CTNNA2: variants seen among roughly 807,000 people sequenced by gnomAD.
CTNNA2 encodes the protein catenin alpha 2, also known as catenin alpha-2.
Under a neutral mutation model 101.0 loss-of-function variants are expected in CTNNA2, and 42 were observed. The observed-to-expected ratio is 0.42, with a 90% CI of 0.32 to 0.54. The LOEUF (loss-of-function observed/expected upper bound fraction) is 0.54, where lower values mean the gene tolerates loss of function less well. CTNNA2 is among the 20% of genes least tolerant of loss of function. CTNNA2 has a pLI of 0.14. For synonymous variants in CTNNA2, 450 were observed against 456.4 expected (o/e 0.99, Z 0.18); for missense variants, 871 against 1,223.1 (o/e 0.71, Z 4.29).
chr2:80,111,471 TA>T (rs1440699996), intron 7 of CTNNA2, among the ~76,000 whole-genome samples: 1 of 152,216 alleles, frequency 6.6e-6, no homozygotes, highest in Non-Finnish European at 1.5e-5. Flanking sequence ...TCTCCACATT[TA>T]CTTATATATA....
At chr2:79,227,717 A>G (rs1056223170) in intron 2 of CTNNA2, among the ~76,000 whole-genome samples, 1 of 152,218 alleles carries the variant, frequency 6.6e-6, no homozygotes, top group Non-Finnish European at 1.5e-5. Flanking sequence ...TAAAAATGCT[A>G]ATGATCATCT....
chr2:80,096,381 A>C (rs1411621948), intron 7 of CTNNA2, among the ~76,000 whole-genome samples: 2 of 152,012 alleles, frequency 1.3e-5, no homozygotes, highest in East Asian at 3.9e-4. Flanking sequence ...GTTTTTTATA[A>C]TTTCTGTTCT....
At chr2:80,423,780 A>C (rs1680738742) in intron 9 of CTNNA2, among the ~76,000 whole-genome samples, 1 of 152,154 alleles carries the variant, frequency 6.6e-6, no homozygotes, top group Non-Finnish European at 1.5e-5. Flanking sequence ...AAGTGGGTTT[A>C]GTTTTTATCA....
intron 1 of CTNNA2, among the ~76,000 whole-genome samples, chr2:79,561,752 A>G (rs1206929283): frequency 6.6e-6 from 1 of 151,868 alleles, no homozygotes; most frequent in Admixed American, 6.6e-5. Context: ...GCCCTCATAT[A>G]GCTTCTTTGG....
chr2:80,316,166 G>A (rs1288361471), intron 7 of CTNNA2, among the ~76,000 whole-genome samples: 4 of 152,092 alleles, frequency 2.6e-5, no homozygotes, highest in Admixed American at 2.6e-4. Context: ...GGTTTATACA[G>A]TAAAACAGGT....
At chr2:79,425,777 C>T (rs1486995886) in intron 4 of CTNNA2, among the ~76,000 whole-genome samples, 8 of 152,110 alleles carry the variant, frequency 5.3e-5, no homozygotes, top group Non-Finnish European at 1.2e-4. Context: ...GAAATCTTAC[C>T]TCATCTACAG....
At chr2:79,541,357 T>A (rs1310837861) in intron 1 of CTNNA2, among the ~76,000 whole-genome samples, 2 of 149,804 alleles carry the variant, frequency 1.3e-5, no homozygotes, top group Non-Finnish European at 3.0e-5. Context: ...ACACACACAA[T>A]GTTTACACAT....
chr2:80,092,382 G>T (rs552984503), intron 7 of CTNNA2, among the ~76,000 whole-genome samples: 1 of 152,022 alleles, frequency 6.6e-6, no homozygotes, highest in Admixed American at 6.6e-5. Flanking sequence ...AAAAAAACAG[G>T]CATACACCCG....
At chr2:80,562,994 G>C (rs1322279995) in intron 12 of CTNNA2, among the ~76,000 whole-genome samples, 6 of 149,168 alleles carry the variant, frequency 4.0e-5, no homozygotes, top group Non-Finnish European at 7.4e-5. Context: ...TAAATTTGGG[G>C]TGACACAGCA....
At chr2:79,729,042 G>A (rs72927426) in intron 2 of CTNNA2, among the ~76,000 whole-genome samples, 6,965 of 152,220 alleles carry the variant, frequency 0.046, 270 homozygotes, top group African/African-American at 0.11. Context: ...TCATGAACCA[G>A]GAGTCAAGAA....
intron 2 of CTNNA2, among the ~76,000 whole-genome samples, chr2:79,657,372 A>G (rs938107279): frequency 2.6e-5 from 4 of 151,860 alleles, no homozygotes; most frequent in African/African-American, 9.6e-5. Context: ...AAAAAAATAA[A>G]TTACTAAAAT....
intron 9 of CTNNA2, among the ~76,000 whole-genome samples, chr2:80,458,958 A>G (rs1483304255): frequency 6.6e-6 from 1 of 152,152 alleles, no homozygotes; most frequent in African/African-American, 2.4e-5. Flanking sequence ...TGTACAATTA[A>G]AAAAATATTT....
At chr2:79,366,176 T>C (rs1417712357) in intron 3 of CTNNA2, among the ~76,000 whole-genome samples, 3 of 152,132 alleles carry the variant, frequency 2.0e-5, no homozygotes, top group Non-Finnish European at 4.4e-5. Flanking sequence ...CCTTTGATAA[T>C]GAAACAAACA....
chr2:79,668,493 T>C (rs1006916015), intron 2 of CTNNA2, among the ~76,000 whole-genome samples: 4 of 152,188 alleles, frequency 2.6e-5, no homozygotes, highest in Non-Finnish European at 5.9e-5. Flanking sequence ...ATTAAGTTTC[T>C]CATTAATGTT....
At chr2:79,221,086 G>C (rs762391023) in intron 2 of CTNNA2, among the ~76,000 whole-genome samples, 9 of 152,034 alleles carry the variant, frequency 5.9e-5, no homozygotes, top group Non-Finnish European at 1.0e-4. Context: ...CGAAATAAAG[G>C]AACAAATTCA....
intron 1 of CTNNA2, among the ~76,000 whole-genome samples, chr2:79,623,656 T>C (rs996091031): frequency 6.6e-6 from 1 of 152,192 alleles, no homozygotes; most frequent in African/African-American, 2.4e-5. Flanking sequence ...AATATAGACC[T>C]GTAATCTCAA....
At chr2:79,430,189 T>C (rs1415426204) in intron 4 of CTNNA2, among the ~76,000 whole-genome samples, 1 of 152,096 alleles carries the variant, frequency 6.6e-6, no homozygotes, top group Admixed American at 6.6e-5. Flanking sequence ...CTCTGAGTGA[T>C]GATCATTTGA....
chr2:79,522,554 C>CAGAA (rs1672175737), intron 1 of CTNNA2, among the ~76,000 whole-genome samples: 1 of 152,148 alleles, frequency 6.6e-6, no homozygotes, highest in Non-Finnish European at 1.5e-5. Flanking sequence ...AACTTTGCTT[C>CAGAA]AGCAATGGAT....
intron 7 of CTNNA2, among the ~76,000 whole-genome samples, chr2:79,954,392 T>G (rs1374100134): frequency 6.6e-6 from 1 of 152,220 alleles, no homozygotes; most frequent in African/African-American, 2.4e-5. Flanking sequence ...ATTCAGCTCT[T>G]CTACTCTGGA....
Sources: allele counts gnomAD v4.1 joint callset (sites outside exome capture counted in the v4.1 genomes callset), GRCh38; gene constraint gnomAD v4.1.1; transcripts MANE v1.5; gene names NCBI Gene and HGNC (gene_info 2026-07-23, HGNC 2026-07-21).